The following DLGAP1 variants were observed in gnomAD, a reference collection of about 807,000 sequenced individuals.
DLGAP1 encodes DLG associated protein 1.
In DLGAP1, 11 loss-of-function variants were observed where a neutral mutation model predicts 90.8. The ratio of observed to expected loss-of-function variants is 0.12; its 90% CI spans 0.08 to 0.20. The LOEUF is 0.20. Among genes scored for constraint, DLGAP1 ranks in the 10% least tolerant of loss-of-function variants. The probability of loss-of-function intolerance (pLI) is 1.00; values close to 1 mark genes in which losing one functional copy is unlikely to be tolerated. For missense variants in DLGAP1, 1,050 were observed against 1,333.8 expected (o/e 0.79, Z 3.31); for synonymous variants, 558 against 540.7 (o/e 1.03, Z -0.44).
chr18:3,625,578 T>G (rs1006188163), intron 7 of DLGAP1, among the ~76,000 whole-genome samples: 2 of 152,206 alleles, frequency 1.3e-5, no homozygotes, highest in African/African-American at 2.4e-5. Context: ...ATGCCTTTTT[T>G]GGGGTTTTGT....
Position 3,505,258 on chromosome 18 carries a change from T to A in DLGAP1, c.2572-2613A>T, listed in dbSNP as rs572920602. Among the ~76,000 whole-genome samples, 10 of 152,286 alleles carry A rather than the reference T, an allele frequency of 6.6e-5. No homozygotes were observed. The South Asian group carries it at 8.3e-4, about 13-fold the overall frequency. On this transcript the variant is annotated intron_variant, in intron 11 of 12. Transcript: ENST00000315677. Reference sequence around the variant, plus strand: ...GTGGTTGAATAGACTGGGATTTGAATCTTGGCTCTGCCTTTTACCATGGGG... The same window carrying A: ...GTGGTTGAATAGACTGGGATTTGAAACTTGGCTCTGCCTTTTACCATGGGG...
chr18:4,298,938 A>G (rs1676475), intron 1 of DLGAP1, among the ~76,000 whole-genome samples: 147,867 of 151,820 alleles, frequency 0.97, 72,136 homozygotes, highest in East Asian at 1. Flanking sequence ...AAAATTAGCC[A>G]AGCGTGGTGG....
chr18:3,723,297 T>C (rs940043840), intron 7 of DLGAP1, among the ~76,000 whole-genome samples: 1 of 152,212 alleles, frequency 6.6e-6, no homozygotes, highest in African/African-American at 2.4e-5. Flanking sequence ...CCATAGGGTA[T>C]GTTTGCAGAC....
At chr18:3,613,089 C>T (rs1300105766) in intron 7 of DLGAP1, among the ~76,000 whole-genome samples, 5 of 152,110 alleles carry the variant, frequency 3.3e-5, no homozygotes, top group Non-Finnish European at 5.9e-5. Context: ...CCACCTGCCT[C>T]GGCTTCCCAA....
chr18:4,058,212 A>G (rs1341510579), intron 2 of DLGAP1, among the ~76,000 whole-genome samples: 1 of 151,792 alleles, frequency 6.6e-6, no homozygotes, highest in African/African-American at 2.4e-5. Flanking sequence ...CACCTGCCAG[A>G]CAGTCCACAT....
intron 1 of DLGAP1, among the ~76,000 whole-genome samples, chr18:4,442,548 G>A (rs2083561139): frequency 1.3e-5 from 2 of 152,170 alleles, no homozygotes; most frequent in Non-Finnish European, 2.9e-5. Context: ...ACATAGATGT[G>A]TAGAGTACTA....
At chr18:3,824,526 A>C (rs536535367) in intron 4 of DLGAP1, among the ~76,000 whole-genome samples, 81 of 152,240 alleles carry the variant, frequency 5.3e-4, no homozygotes, top group African/African-American at 1.9e-3. Context: ...CAATCATCTC[A>C]AGTATTAATA....
chr18:4,451,946 G>T (rs552094919), intron 1 of DLGAP1, among the ~76,000 whole-genome samples: 34 of 152,244 alleles, frequency 2.2e-4, no homozygotes, highest in African/African-American at 8.2e-4. Context: ...GGTTTTTCAA[G>T]AGTCTTTTTA....
chr18:3,939,127 T>A (rs2072707714), intron 3 of DLGAP1, among the ~76,000 whole-genome samples: 1 of 151,568 alleles, frequency 6.6e-6, no homozygotes, highest in Non-Finnish European at 1.5e-5. Context: ...ATATTAAAAA[T>A]GTGGGCCAGT....
chr18:4,189,364 T>G (rs2077354553), intron 1 of DLGAP1, among the ~76,000 whole-genome samples: 1 of 152,178 alleles, frequency 6.6e-6, no homozygotes, highest in South Asian at 2.1e-4. Context: ...CTTAAAAGTA[T>G]AAGTCTTAAT....
chr18:3,925,930 T>G (rs938336932), intron 3 of DLGAP1, among the ~76,000 whole-genome samples: 2 of 152,218 alleles, frequency 1.3e-5, no homozygotes, highest in African/African-American at 4.8e-5. Flanking sequence ...GAAATAGGTT[T>G]GTTTTCCTGT....
chr18:4,210,634 C>T (rs796548336), intron 1 of DLGAP1, among the ~76,000 whole-genome samples: 61 of 152,164 alleles, frequency 4.0e-4, no homozygotes, highest in African/African-American at 1.4e-3. Flanking sequence ...TGAAAGAGGA[C>T]GATGGCCTCT....
At chr18:4,282,093 A>G (rs1298798808) in intron 1 of DLGAP1, among the ~76,000 whole-genome samples, 4 of 152,162 alleles carry the variant, frequency 2.6e-5, no homozygotes, top group Non-Finnish European at 5.9e-5. Flanking sequence ...GGCTGGGTGA[A>G]GGGGCTCACG....
At chr18:3,708,898 A>T (rs377219376) in intron 7 of DLGAP1, among the ~76,000 whole-genome samples, 1 of 152,176 alleles carries the variant, frequency 6.6e-6, no homozygotes, top group South Asian at 2.1e-4. Context: ...TTTCTTTAAA[A>T]ACAGATTTTT....
chr18:4,126,984 C>G (rs1012322198), intron 2 of DLGAP1, among the ~76,000 whole-genome samples: 1 of 152,168 alleles, frequency 6.6e-6, no homozygotes, highest in Non-Finnish European at 1.5e-5. Flanking sequence ...ATTTATAGCA[C>G]TAACCCTTCA....
intron 7 of DLGAP1, among the ~76,000 whole-genome samples, chr18:3,705,305 T>TC (rs2061398782): frequency 6.8e-6 from 1 of 147,232 alleles, no homozygotes; most frequent in African/African-American, 2.5e-5. Flanking sequence ...TCAGGCTACT[T>TC]TTTTTTTTTT....
chr18:3,588,871 A>G (rs950223048), intron 7 of DLGAP1, among the ~76,000 whole-genome samples: 6 of 152,148 alleles, frequency 3.9e-5, no homozygotes, highest in African/African-American at 1.4e-4. Flanking sequence ...ATGATTGAAT[A>G]TTGCCTACAT....
intron 1 of DLGAP1, among the ~76,000 whole-genome samples, chr18:4,290,889 A>C (rs2079831719): frequency 6.6e-6 from 1 of 152,184 alleles, no homozygotes; most frequent in South Asian, 2.1e-4. Context: ...CTTGATGTGA[A>C]GTGCCCTGTA....
chr18:3,848,253 A>G (rs1460827862), intron 4 of DLGAP1, among the ~76,000 whole-genome samples: 1 of 151,868 alleles, frequency 6.6e-6, no homozygotes, highest in Non-Finnish European at 1.5e-5. Context: ...AGATGGTACA[A>G]TGTGAACAGA....
Sources: allele counts gnomAD v4.1 joint callset (sites outside exome capture counted in the v4.1 genomes callset), GRCh38; gene constraint gnomAD v4.1.1; transcripts MANE v1.5; gene names NCBI Gene and HGNC (gene_info 2026-07-23, HGNC 2026-07-21).